Variants in SUSD6 observed in about 807,000 individuals in gnomAD.
SUSD6 encodes the protein sushi domain containing 6.
SUSD6 carries 16 observed loss-of-function variants against 28.4 expected under a neutral mutation model. The observed-to-expected ratio is 0.56, with a 90% CI of 0.38 to 0.86. SUSD6 has a LOEUF of 0.86. Ranked by LOEUF, SUSD6 falls within the 40% of genes least tolerant of loss-of-function variation. The probability of loss-of-function intolerance (pLI) is 0.00; values close to 1 mark genes in which losing one functional copy is unlikely to be tolerated. For missense variants in SUSD6, 341 were observed against 384.2 expected, an observed-to-expected ratio of 0.89 and a Z score of 0.94; for synonymous variants, 147 against 159.6, an observed-to-expected ratio of 0.92 and a Z score of 0.59.
chr14:69,700,511 A>G (rs1886298522), intron 2 of SUSD6, among the ~76,000 whole-genome samples: 1 of 152,058 alleles, frequency 6.6e-6, no homozygotes, highest in African/African-American at 2.4e-5. Context: ...TCTTCATGTT[A>G]TTTTTTTGGA....
At chr14:69,637,099 C>G in intron 1 of SUSD6, among the ~76,000 whole-genome samples, 1 of 152,128 alleles carries the variant, frequency 6.6e-6, no homozygotes, top group Non-Finnish European at 1.5e-5. Flanking sequence ...GATTGCAGTT[C>G]CCAGGTCTCT....
At chr14:69,704,958 A>C (rs970265321) in intron 4 of SUSD6, among the ~76,000 whole-genome samples, 3 of 152,300 alleles carry the variant, frequency 2.0e-5, no homozygotes, top group African/African-American at 7.2e-5. Context: ...GGAACATTGC[A>C]GATGAGGAAA....
At chr14:69,692,984 G>A (rs990992088) in intron 2 of SUSD6, among the ~76,000 whole-genome samples, 5 of 152,160 alleles carry the variant, frequency 3.3e-5, no homozygotes, top group Non-Finnish European at 5.9e-5. Flanking sequence ...GACAATGGCT[G>A]ATGAGGAAAA....
chr14:69,622,076 A>G (rs1240868961), intron 1 of SUSD6, among the ~76,000 whole-genome samples: 3 of 152,196 alleles, frequency 2.0e-5, no homozygotes, highest in Non-Finnish European at 4.4e-5. Flanking sequence ...CCTATATACT[A>G]ATTATCTCCC....
Position 69,711,317 on chromosome 14 carries a change from C to T in SUSD6, c.*338C>T. ...GCTCTTTGGCGGCAGCCCCCACCAG[C>T]TCCTGTGGGCCTGAGTGCTGCTGTG... On this transcript the variant is annotated 3_prime_UTR_variant, in exon 6 of 6. Transcript: ENST00000342745. 2.6e-6 allele frequency: 1 copy of T among 384,026 alleles called. No homozygotes were observed. The highest frequency in any genetic ancestry group is 4.8e-6 in the Non-Finnish European group (1 of 207,326). 23.8% of individuals were successfully genotyped at this position (384,026 alleles called of 1,614,324 possible). A position where few individuals can be genotyped will look rare whatever the true frequency, so the allele number is the denominator to read the frequency against.
intron 2 of SUSD6, among the ~76,000 whole-genome samples, chr14:69,697,229 G>C (rs1351911810): frequency 6.6e-6 from 1 of 152,112 alleles, no homozygotes; most frequent in Non-Finnish European, 1.5e-5. Context: ...GGTCACTTTC[G>C]TCACCATCTT....
chr14:69,685,569 C>T (rs1886061012), intron 2 of SUSD6, among the ~76,000 whole-genome samples: 1 of 152,170 alleles, frequency 6.6e-6, no homozygotes. Flanking sequence ...TAGTAAAATG[C>T]AGGTGTGTGT....
At chr14:69,668,444 G>A (rs1218759108) in intron 2 of SUSD6, among the ~76,000 whole-genome samples, 4 of 151,952 alleles carry the variant, frequency 2.6e-5, no homozygotes, top group Non-Finnish European at 5.9e-5. Flanking sequence ...AGACCAGCCC[G>A]GCCAACATGG....
intron 1 of SUSD6, among the ~76,000 whole-genome samples, chr14:69,615,965 T>G (rs111613063): frequency 0.015 from 2,355 of 152,310 alleles, 23 homozygotes; most frequent in Middle Eastern, 0.037. Context: ...TAAAATTACC[T>G]GACAGCAGTG....
chr14:69,697,371 GC>G (rs1886241357), intron 2 of SUSD6, among the ~76,000 whole-genome samples: 1 of 152,116 alleles, frequency 6.6e-6, no homozygotes, highest in South Asian at 2.1e-4. Context: ...TGGGAATGCA[GC>G]CCAGTAGATC....
chr14:69,623,156 C>G (rs539481400), intron 1 of SUSD6, among the ~76,000 whole-genome samples: 30 of 152,282 alleles, frequency 2.0e-4, no homozygotes, highest in African/African-American at 7.2e-4. Flanking sequence ...ATAGCAACAG[C>G]CCCTTTTTGG....
intron 5 of SUSD6, among the ~76,000 whole-genome samples, chr14:69,709,545 T>C (rs1292647764): frequency 5.3e-5 from 8 of 152,222 alleles, no homozygotes; most frequent in South Asian, 2.1e-4. Flanking sequence ...ACTATGCTAG[T>C]TTGTTTTCTT....
intron 4 of SUSD6, among the ~76,000 whole-genome samples, chr14:69,706,658 C>T (rs1269744368): frequency 6.6e-6 from 1 of 151,942 alleles, no homozygotes; most frequent in African/African-American, 2.4e-5. Flanking sequence ...ATATGGGTTT[C>T]GCCACATTGC....
At chr14:69,686,354 ATTG>A (rs1268823402) in intron 2 of SUSD6, among the ~76,000 whole-genome samples, 2 of 152,144 alleles carry the variant, frequency 1.3e-5, no homozygotes, top group African/African-American at 4.8e-5. Context: ...ATGTAAACCT[ATTG>A]TTTGACTATG....
At position 69,700,004 on chromosome 14, in the gene SUSD6, C is replaced by G. The variant is rs569861547; in HGVS notation, c.122-3391C>G. Among the ~76,000 whole-genome samples the G allele has an allele frequency of 3.3e-5, 5 of 152,296 alleles. No homozygotes were observed. The East Asian group carries it at 9.6e-4, about 29-fold the overall frequency. On this transcript the variant is annotated intron_variant, in intron 2 of 5. Coordinates refer to ENST00000342745, the MANE Select transcript of SUSD6 (RefSeq NM_014734.4). ...ATCTTTTATTATGCAGATGGGTTCT[C>G]TACCTGGTGGGCACCATGTTGCCTG... is the stretch of plus-strand genomic sequence containing the variant.
At chr14:69,612,298 T>A (rs1884889684) in intron 1 of SUSD6, among the ~76,000 whole-genome samples, 1 of 152,108 alleles carries the variant, frequency 6.6e-6, no homozygotes, top group Non-Finnish European at 1.5e-5. Flanking sequence ...GAAGGTGGAT[T>A]TCCTGAGGAA....
chr14:69,664,764 G>A (rs1469694055), intron 2 of SUSD6, among the ~76,000 whole-genome samples: 2 of 152,178 alleles, frequency 1.3e-5, no homozygotes, highest in African/African-American at 4.8e-5. Flanking sequence ...GCTGAGCAAT[G>A]GTGCCCCACT....
At chr14:69,666,899 T>A (rs1885750350) in intron 2 of SUSD6, among the ~76,000 whole-genome samples, 1 of 152,230 alleles carries the variant, frequency 6.6e-6, no homozygotes, top group African/African-American at 2.4e-5. Context: ...CAGGAAGTTA[T>A]GACCAAGTAA....
intron 1 of SUSD6, among the ~76,000 whole-genome samples, chr14:69,633,343 G>C (rs1315348334): frequency 6.6e-6 from 1 of 152,184 alleles, no homozygotes; most frequent in Admixed American, 6.5e-5. Context: ...ACTGTCCCTT[G>C]CCCTGACAGA....
Sources: gnomAD v4.1 joint callset for allele counts (sites outside exome capture counted in the v4.1 genomes callset) on GRCh38, gnomAD v4.1.1 for gene constraint, MANE v1.5 for transcripts, NCBI Gene and HGNC (gene_info 2026-07-23, HGNC 2026-07-21) for gene names.